The following CCDC9B variants were observed in gnomAD, a reference collection of about 807,000 sequenced individuals.
CCDC9B encodes coiled-coil domain containing 9B, also known as coiled-coil domain-containing protein 9B.
In CCDC9B, 40 loss-of-function variants were observed where a neutral mutation model predicts 47.2. The ratio of observed to expected loss-of-function variants is 0.85; its 90% CI spans 0.66 to 1.10. The LOEUF (loss-of-function observed/expected upper bound fraction) is 1.10. Ranked by LOEUF, CCDC9B falls within the 50% of genes least tolerant of loss-of-function variation. The pLI is 0.00. For missense variants in CCDC9B, 662 were observed against 651.0 expected (o/e 1.02, Z -0.18); for synonymous variants, 238 against 250.7 (o/e 0.95, Z 0.48).
chr15:40,339,103 G>A (rs1889031987), intron 3 of CCDC9B, 200 bp from the exon 4 acceptor site: 1 of 654,076 alleles, frequency 1.5e-6, no homozygotes, highest in Non-Finnish European at 2.7e-6. Flanking sequence ...GGCCCAAGAT[G>A]CCACAGTGGC....
At chr15:40,338,989 G>T (rs764469852) in intron 3 of CCDC9B, 86 bp from the exon 4 acceptor site, 9 of 1,468,318 alleles carry the variant, frequency 6.1e-6, no homozygotes, top group Non-Finnish European at 8.5e-6. Context: ...CCAGGCCTGG[G>T]TTCCAACCCC....
chr15:40,338,654 G>C lies in CCDC9B; in HGVS notation c.394C>G (p.Arg132Gly), dbSNP rs759059860. The C allele has an allele frequency of 6.2e-7, 1 of 1,614,058 alleles. No homozygotes were observed. Among genetic ancestry groups the C allele is most frequent in the Non-Finnish European group, 8.5e-7 (1 of 1,180,000 alleles). ...CTGGTAGGCTTTTCACTTACAATCC[G>C]TTTGCCCTGGGGAGGATGAAGATGG... is the stretch of plus-strand genomic sequence containing the variant. ...VTMENKAEGK[R>G]IVSEKPTRAR... Residue 132 changes from arginine to glycine, a missense_variant, in exon 5 of 11, where the codon CGG becomes GGG. Arg to Gly is a moderately radical substitution (Grantham distance 125, BLOSUM62 -2). Coordinates refer to ENST00000397536, the MANE Select transcript of CCDC9B (RefSeq NM_207380.3).
intron 9 of CCDC9B, 100 bp downstream of exon 9, chr15:40,336,474 C>A: frequency 6.7e-7 from 1 of 1,485,424 alleles, no homozygotes; most frequent in Non-Finnish European, 8.9e-7. Context: ...AGCCAGGAGG[C>A]AGGGGCCCCA....
chr15:40,337,647 C>T, intron 6 of CCDC9B, 77 bp downstream of exon 6: 1 of 1,463,254 alleles, frequency 6.8e-7, no homozygotes. Flanking sequence ...CGAGGAGGGT[C>T]CCTGCAGCCC....
In CCDC9B at chr15:40,335,435, G is replaced by T; in HGVS notation, c.1196C>A (p.Pro399His). ...RESGCVLGLR[P>H]GAQESPVSWP... ...AGACACAGGGCTCTCCTGGGCCCCA[G>T]GCCTCAGACCGAGCACACACCCGCT... Residue 399 changes from proline to histidine, a missense_variant, in exon 11 of 11, where the codon CCT (proline) becomes CAT (histidine). Coordinates refer to ENST00000397536, the MANE Select transcript of CCDC9B (RefSeq NM_207380.3). 1 of 1,611,118 alleles carries T rather than the reference G, an allele frequency of 6.2e-7. No homozygotes were observed. The highest frequency in any genetic ancestry group is 1.7e-4 in the Middle Eastern group (1 of 6,038).
chr15:40,339,949 C>T lies in CCDC9B; in HGVS notation c.79G>A (p.Val27Ile). 1.2e-6 allele frequency: 2 copies of T among 1,613,960 alleles called. No homozygotes were observed. Among genetic ancestry groups the T allele is most frequent in the Non-Finnish European group, 1.7e-6 (2 of 1,179,942 alleles). Residue 27 changes from valine to isoleucine, a missense_variant, in exon 2 of 11, where the codon GTT (valine) becomes ATT (isoleucine). Physicochemically the swap from Val to Ile is conservative, Grantham distance 29. Transcript: ENST00000397536. ...GCCTGGTTCTTCTTGCGCAGGGCAA[C>T]TATCCTCCGATCCAGCTCTGCGTCC... is the stretch of plus-strand genomic sequence containing the variant. ...EKDAELDRRI[V>I]ALRKKNQALL...
rs116336794 is a variant in CCDC9B, at chr15:40,332,014, G to A, written c.*3144C>T. ...TCCCTACCAGCTCCTCCCTCCTCCT[G>A]TGTGCCCTCCTTTTTCCAGGCCCCC... On this transcript the variant is annotated 3_prime_UTR_variant, in exon 11 of 11. Coordinates refer to ENST00000397536, the MANE Select transcript of CCDC9B (RefSeq NM_207380.3). 6.6e-6 allele frequency: 1 copy of A among 152,468 alleles called. No homozygotes were observed. The highest frequency in any genetic ancestry group is 2.4e-5 in the African/African-American group (1 of 41,556). 9.4% of individuals were successfully genotyped at this position (152,468 alleles called of 1,614,324 possible).
intron 7 of CCDC9B, 30 bp from the exon 8 acceptor site, chr15:40,336,843 T>TC (rs1566907745): frequency 6.3e-7 from 1 of 1,583,518 alleles, no homozygotes; most frequent in East Asian, 2.3e-5. Flanking sequence ...TGGGGAAAGG[T>TC]GGGGTGACAA....
At position 40,338,896 on chromosome 15, in the gene CCDC9B, C is replaced by A; in HGVS notation, c.239G>T (p.Arg80Leu). 2 of 1,614,170 alleles carry A rather than the reference C, an allele frequency of 1.2e-6. No individual in the cohort carries two copies. Among genetic ancestry groups the A allele is most frequent in the Non-Finnish European group, 8.5e-7 (1 of 1,180,016 alleles). The change falls in exon 4 of 11, where the codon CGG (arginine) becomes CTG (leucine). Residue 80 changes from arginine to leucine, a missense_variant. Coordinates refer to ENST00000397536, the MANE Select transcript of CCDC9B (RefSeq NM_207380.3). ...VTISQVPGEK[R>L]VVSRNWARGT... ...CCTTGCCCAGTTCCTGCTAACCACC[C>A]GCTTTTCCTGCAGAACAAAGACCCT...
intron 7 of CCDC9B, 163 bp from the exon 8 acceptor site, chr15:40,336,976 G>A (rs989070892): frequency 1.6e-6 from 1 of 642,706 alleles, no homozygotes; most frequent in Non-Finnish European, 2.7e-6. Context: ...AGGGTCCTGT[G>A]CTAGCTTTGC....
At position 40,336,555 on chromosome 15, in the gene CCDC9B, G is replaced by A. The variant is rs1888963586; in HGVS notation, c.887+19C>T. On this transcript the variant is annotated intron_variant, in intron 9 of 10. Coordinates refer to ENST00000397536, the MANE Select transcript of CCDC9B (RefSeq NM_207380.3). ...ACACCCACATGCCCGTCTTGATTTT[G>A]TCCCCTGCCACCTGTTACCTTCGGG... 6.2e-7 allele frequency: 1 copy of A among 1,609,038 alleles called. No homozygotes were observed. The highest frequency in any genetic ancestry group is 1.3e-5 in the African/African-American group (1 of 74,936).
At position 40,335,121 on chromosome 15, in the gene CCDC9B, C is replaced by G; in HGVS notation, c.*37G>C. 1 of 1,475,000 alleles carries G rather than the reference C, an allele frequency of 6.8e-7. No homozygotes were observed. The highest frequency in any genetic ancestry group is 9.0e-7 in the Non-Finnish European group (1 of 1,112,950). 91.4% of individuals were successfully genotyped at this position (1,475,000 alleles called of 1,614,324 possible). On this transcript the variant is annotated 3_prime_UTR_variant, in exon 11 of 11. Coordinates refer to ENST00000397536, the MANE Select transcript of CCDC9B (RefSeq NM_207380.3). Reference sequence around the variant, plus strand: ...CCTTTAACAGAGTGATTCCCTTTTCCTCTCCCCGGGGACTCCCCAGCTCCC... The same window carrying G: ...CCTTTAACAGAGTGATTCCCTTTTCGTCTCCCCGGGGACTCCCCAGCTCCC...
At chr15:40,338,162 A>T (rs552699693) in intron 5 of CCDC9B, 1 of 720,344 alleles carries the variant, frequency 1.4e-6, no homozygotes, top group East Asian at 2.7e-5. Context: ...AGGGGTATGC[A>T]GACGGGCCGG....
Position 40,335,574 on chromosome 15 carries a change from T to C in CCDC9B, c.1057A>G (p.Lys353Glu). 6.7e-7 allele frequency: 1 copy of C among 1,501,574 alleles called. No individual in the cohort carries two copies. 93.0% of individuals were successfully genotyped at this position (1,501,574 alleles called of 1,614,324 possible). The change falls in exon 11 of 11, where the codon AAG becomes GAG. Residue 353 changes from lysine to glutamate, a missense_variant. Physicochemically the swap from Lys to Glu is moderately conservative, Grantham distance 56 (BLOSUM62 1). Transcript: ENST00000397536. ...SPALASPEGPKGESVASTASS... is the reference protein window; with the variant it reads ...SPALASPEGPEGESVASTASS... ...GCTGTGGAAGCCACTGACTCCCCCT[T>C]CGGCCCCTCTGGGGATGCCAGGGCT...
At position 40,331,493 on chromosome 15, in the gene CCDC9B, TG is replaced by T. The variant is rs1888860491; in HGVS notation, c.*3664del. 6.7e-6 allele frequency: 1 copy of T among 150,076 alleles called. No homozygotes were observed. Among genetic ancestry groups the T allele is most frequent in the Non-Finnish European group, 1.5e-5 (1 of 67,274 alleles). 9.3% of individuals were successfully genotyped at this position (150,076 alleles called of 1,614,324 possible). On this transcript the variant is annotated 3_prime_UTR_variant, in exon 11 of 11. Coordinates refer to ENST00000397536, the MANE Select transcript of CCDC9B (RefSeq NM_207380.3). ...CTTCATTTATTCAACAAGTATTTACTGAGTGCCTTCTGTGTGCCACGCTACT... is the reference window on the plus strand; with the variant it reads ...CTTCATTTATTCAACAAGTATTTACTAGTGCCTTCTGTGTGCCACGCTACT...
In CCDC9B at chr15:40,335,257, G is replaced by A. The variant is rs1166567087; in HGVS notation, c.1374C>T (p.Ala458=). The change falls in exon 11 of 11, where the codon GCC becomes GCT. Residue 458 remains alanine, a synonymous_variant. Transcript: ENST00000397536. ...SGKSGAQQGL[A]PRSRPTRGGS... ...CTCCTCTCGTGGGCCGGCTTCTCGG[G>A]GCCAGGCCCTGCTGGGCCCCAGACT... 3 of 1,600,932 alleles carry A rather than the reference G, an allele frequency of 1.9e-6. No homozygotes were observed. The highest frequency in any genetic ancestry group is 2.6e-6 in the Non-Finnish European group (3 of 1,171,992).
chr15:40,338,447 AAATGAGG>A, intron 5 of CCDC9B, 81 bp downstream of exon 5: 1 of 1,478,520 alleles, frequency 6.8e-7, no homozygotes, highest in Non-Finnish European at 9.2e-7. Flanking sequence ...ACGTCCCCGC[AAATGAGG>A]GACATATCTG....
At chr15:40,337,515 C>A in intron 6 of CCDC9B, 69 bp from the exon 7 acceptor site, 1 of 1,374,622 alleles carries the variant, frequency 7.3e-7, no homozygotes, top group Non-Finnish European at 9.9e-7. Context: ...TGACACCCCC[C>A]TCCCCGAAGC....
At chr15:40,335,854 C>G in intron 9 of CCDC9B, 28 bp from the exon 10 acceptor site, 2 of 1,601,752 alleles carry the variant, frequency 1.2e-6, no homozygotes, top group Non-Finnish European at 1.7e-6. Flanking sequence ...ATGGCACGCC[C>G]CACCCCACTT....
Sources: gnomAD v4.1 joint callset for allele counts on GRCh38, gnomAD v4.1.1 for gene constraint, MANE v1.5 for transcripts, NCBI Gene and HGNC (gene_info 2026-07-23, HGNC 2026-07-21) for gene names.